Variants in ADCY2 observed in about 807,000 individuals in gnomAD.
The protein encoded by ADCY2 is adenylate cyclase type 2.
ADCY2 carries 31 observed loss-of-function variants against 125.2 expected under a neutral mutation model. That is an observed-to-expected ratio of 0.25 (90% CI 0.19 to 0.33). The LOEUF is 0.33. ADCY2 is among the 10% of genes least tolerant of loss of function. The pLI is 1.00. For missense variants in ADCY2, 904 were observed against 1,418.2 expected, an observed-to-expected ratio of 0.64 and a Z score of 5.82; for synonymous variants, 512 against 548.4, an observed-to-expected ratio of 0.93 and a Z score of 0.93.
chr5:7,812,697 C>T (rs2126533176), intron 22 of ADCY2, among the ~76,000 whole-genome samples: 1 of 152,324 alleles, frequency 6.6e-6, no homozygotes, highest in Admixed American at 6.5e-5. Flanking sequence ...CACCTGAGCT[C>T]AGGAGTGCGA....
At chr5:7,698,789 G>C (rs938074392) in intron 7 of ADCY2, among the ~76,000 whole-genome samples, 1 of 152,150 alleles carries the variant, frequency 6.6e-6, no homozygotes, top group Non-Finnish European at 1.5e-5. Context: ...GTCTATCGTT[G>C]GTGGACTTTT....
intron 2 of ADCY2, among the ~76,000 whole-genome samples, chr5:7,439,474 A>T (rs1740926452): frequency 6.6e-6 from 1 of 151,804 alleles, no homozygotes; most frequent in African/African-American, 2.4e-5. Flanking sequence ...ACACATGGGG[A>T]TTATTACAAC....
intron 3 of ADCY2, among the ~76,000 whole-genome samples, chr5:7,573,785 G>A (rs567808324): frequency 6.7e-6 from 1 of 150,128 alleles, no homozygotes; most frequent in African/African-American, 2.4e-5. Flanking sequence ...TATACTTTAA[G>A]TTTTAGGGTA....
Position 7,418,647 on chromosome 5 carries a change from GTTTTTTTTTTTT to G in ADCY2, c.408+3892_408+3903del, listed in dbSNP as rs869287430. On this transcript the variant is annotated intron_variant, in intron 2 of 24. Coordinates refer to ENST00000338316, the MANE Select transcript of ADCY2 (RefSeq NM_020546.3). ...AATTAAAAACAAAAGTCTACCTTCTGTTTTTTTTTTTTTTTTTTTTTTTTTTGAGACTGAATC... is the reference window on the plus strand; with the variant it reads ...AATTAAAAACAAAAGTCTACCTTCTGTTTTTTTTTTTTTTGAGACTGAATC... Among the ~76,000 whole-genome samples the G allele has an allele frequency of 1.1e-4, 8 of 73,766 alleles. 1 individual carries two copies. The South Asian group carries it at 1.3e-3, about 12-fold the overall frequency. 48.4% of individuals were successfully genotyped at this position (73,766 alleles called of 152,430 possible).
At chr5:7,581,686 T>G (rs1736439245) in intron 3 of ADCY2, among the ~76,000 whole-genome samples, 1 of 151,818 alleles carries the variant, frequency 6.6e-6, no homozygotes, top group African/African-American at 2.4e-5. Context: ...CTGGGTTTGG[T>G]GGCACATGCC....
At chr5:7,522,353 T>G (rs1744474263) in intron 3 of ADCY2, 1 of 151,694 alleles carries the variant, frequency 6.6e-6, no homozygotes, top group Non-Finnish European at 1.5e-5. Flanking sequence ...CCCCAACCCC[T>G]AGCCCCTGGA....
At chr5:7,655,323 A>G (rs928809228) in intron 4 of ADCY2, among the ~76,000 whole-genome samples, 3 of 152,184 alleles carry the variant, frequency 2.0e-5, no homozygotes, top group Non-Finnish European at 4.4e-5. Flanking sequence ...GAAGAGATCT[A>G]TTGGGAAGTG....
chr5:7,824,359 C>T (rs765377891), intron 24 of ADCY2, among the ~76,000 whole-genome samples: 1 of 152,116 alleles, frequency 6.6e-6, no homozygotes, highest in Non-Finnish European at 1.5e-5. Context: ...ATTAATCATG[C>T]GGTGCTGATT....
At chr5:7,814,633 A>G (rs1373564855) in intron 22 of ADCY2, among the ~76,000 whole-genome samples, 2 of 151,966 alleles carry the variant, frequency 1.3e-5, no homozygotes, top group Non-Finnish European at 2.9e-5. Flanking sequence ...CCCTTTAGCT[A>G]CCACCTTAGT....
intron 2 of ADCY2, among the ~76,000 whole-genome samples, chr5:7,512,218 C>CAAAAAA (rs57381383): frequency 0.014 from 820 of 57,758 alleles, 72 homozygotes; most frequent in African/African-American, 0.054. Flanking sequence ...ATGACTCCAT[C>CAAAAAA]AAAAAAAAAA....
At position 7,785,549 on chromosome 5, in the gene ADCY2, C is replaced by T. The variant is rs146004570; in HGVS notation, c.2469+1100C>T. ...CAGTTTTGACAACCTGCACCATATC[C>T]GGTTCTTTTTCCCTGGTTTCTCCTG... On this transcript the variant is annotated intron_variant, in intron 19 of 24. Coordinates refer to ENST00000338316, the MANE Select transcript of ADCY2 (RefSeq NM_020546.3). Among the ~76,000 whole-genome samples the T allele has an allele frequency of 2.3e-3, 353 of 151,856 alleles. 3 individuals carry two copies. The highest frequency in any genetic ancestry group is 8.1e-3 in the African/African-American group (337 of 41,380).
chr5:7,508,532 T>C (rs1322714606), intron 2 of ADCY2, among the ~76,000 whole-genome samples: 3 of 152,128 alleles, frequency 2.0e-5, no homozygotes, highest in Non-Finnish European at 2.9e-5. Context: ...TGTCTCATTG[T>C]GGAAATCCAG....
At chr5:7,453,267 TC>T (rs1286929575) in intron 2 of ADCY2, among the ~76,000 whole-genome samples, 1 of 152,210 alleles carries the variant, frequency 6.6e-6, no homozygotes, top group Non-Finnish European at 1.5e-5. Flanking sequence ...TTCTTAAGTT[TC>T]TTTTTGTATA....
chr5:7,734,092 T>C (rs750254160), intron 14 of ADCY2, among the ~76,000 whole-genome samples: 8 of 152,200 alleles, frequency 5.3e-5, no homozygotes, highest in Non-Finnish European at 5.9e-5. Flanking sequence ...AAAGAAAAGT[T>C]TGCTTCCTTT....
At chr5:7,769,782 G>C (rs1008868720) in intron 17 of ADCY2, among the ~76,000 whole-genome samples, 1 of 152,186 alleles carries the variant, frequency 6.6e-6, no homozygotes, top group African/African-American at 2.4e-5. Flanking sequence ...CTAAGACCCA[G>C]AGACTTTAGT....
chr5:7,397,461 T>G (rs1011674169), intron 1 of ADCY2, among the ~76,000 whole-genome samples: 2 of 149,244 alleles, frequency 1.3e-5, no homozygotes, highest in African/African-American at 2.5e-5. Context: ...TTTTTTTTTT[T>G]TTTTTTTTTT....
chr5:7,731,188 C>T (rs1283323080), intron 14 of ADCY2, among the ~76,000 whole-genome samples: 7 of 151,624 alleles, frequency 4.6e-5, no homozygotes, highest in Admixed American at 4.6e-4. Flanking sequence ...GTTCTTAAAA[C>T]CTAACCTTTT....
chr5:7,613,040 A>G (rs972444904), intron 3 of ADCY2, among the ~76,000 whole-genome samples: 2 of 152,104 alleles, frequency 1.3e-5, no homozygotes, highest in East Asian at 1.9e-4. Flanking sequence ...TCAAAAAAAT[A>G]TATATATACC....
At chr5:7,458,506 A>G (rs1254951079) in intron 2 of ADCY2, among the ~76,000 whole-genome samples, 1 of 152,194 alleles carries the variant, frequency 6.6e-6, no homozygotes, top group Non-Finnish European at 1.5e-5. Flanking sequence ...ATATGCGTTT[A>G]GGAAAAATAA....
Sources: allele counts gnomAD v4.1 joint callset (sites outside exome capture counted in the v4.1 genomes callset), GRCh38; gene constraint gnomAD v4.1.1; transcripts MANE v1.5; gene names NCBI Gene and HGNC (gene_info 2026-07-23, HGNC 2026-07-21).